The following MKNK1 variants were observed in gnomAD, a reference collection of about 807,000 sequenced individuals.
MKNK1 encodes MAP kinase-interacting serine/threonine-protein kinase 1.
A neutral mutation model predicts 49.3 loss-of-function variants in MKNK1; 30 were observed. The observed-to-expected ratio is 0.61, with a 90% CI of 0.46 to 0.83. The LOEUF is 0.83. Ranked by LOEUF, MKNK1 falls within the 40% of genes least tolerant of loss-of-function variation. The pLI, the probability that MKNK1 is intolerant of heterozygous loss-of-function variation, is 0.00. For synonymous variants in MKNK1, 176 were observed against 201.7 expected (o/e 0.87, Z 1.08); for missense variants, 423 against 524.7 (o/e 0.81, Z 1.89).
At chr1:46,572,387 AC>A in intron 6 of MKNK1, 137 of 357,570 alleles carry the variant, frequency 3.8e-4, no homozygotes, top group East Asian at 2.1e-3. Flanking sequence ...TAATTTTTGT[AC>A]TTTTTTTTTT....
chr1:46,560,161 C>T, intron 12 of MKNK1, 73 bp downstream of exon 12: 1 of 1,551,080 alleles, frequency 6.4e-7, no homozygotes, highest in South Asian at 1.1e-5. Context: ...GAGATGGGCT[C>T]CCCCGGCCCC....
At chr1:46,601,802 A>G (rs142143938) in intron 1 of MKNK1, among the ~76,000 whole-genome samples, 90 of 152,346 alleles carry the variant, frequency 5.9e-4, no homozygotes, top group African/African-American at 2.1e-3. Flanking sequence ...GAAGAGGCCT[A>G]CTATGTGCTG....
chr1:46,567,615 G>A (rs1279162844), intron 8 of MKNK1, among the ~76,000 whole-genome samples: 1 of 152,188 alleles, frequency 6.6e-6, no homozygotes, highest in African/African-American at 2.4e-5. Context: ...GTGAGTAGCA[G>A]ACTGACTCAT....
intron 2 of MKNK1, among the ~76,000 whole-genome samples, chr1:46,591,108 G>T (rs777588418): frequency 6.6e-6 from 1 of 152,182 alleles, no homozygotes; most frequent in Non-Finnish European, 1.5e-5. Context: ...TCATGATTAT[G>T]CTGGGACAAG....
At chr1:46,562,951 C>A in intron 9 of MKNK1, 108 bp from the exon 10 acceptor site, 1 of 970,538 alleles carries the variant, frequency 1.0e-6, no homozygotes, top group Non-Finnish European at 1.5e-6. Flanking sequence ...GAGCAGGAGG[C>A]TGGAAGGATG....
chr1:46,594,106 A>G lies in MKNK1; in HGVS notation c.-3+7T>C. 6 of 1,597,008 alleles carry G rather than the reference A, an allele frequency of 3.8e-6. No homozygotes were observed. Among genetic ancestry groups the G allele is most frequent in the Non-Finnish European group, 4.3e-6 (5 of 1,164,772 alleles). On this transcript the variant is annotated splice_region_variant and intron_variant, in intron 2 of 12. Transcript: ENST00000371945. Reference sequence around the variant, plus strand: ...AAAGGATAACTAAAATGTACACCCAATCTTACCTATAGGTTTTTCCAACTT... The same window carrying G: ...AAAGGATAACTAAAATGTACACCCAGTCTTACCTATAGGTTTTTCCAACTT...
At chr1:46,586,144 G>C (rs529215132) in intron 2 of MKNK1, 13 of 356,888 alleles carry the variant, frequency 3.6e-5, no homozygotes, top group South Asian at 2.5e-4. Context: ...TAGCAGGTCT[G>C]TGGGGCCTTA....
intron 12 of MKNK1, among the ~76,000 whole-genome samples, chr1:46,559,214 G>A (rs1480506088): frequency 6.6e-6 from 1 of 152,258 alleles, no homozygotes; most frequent in Non-Finnish European, 1.5e-5. Context: ...CTAGCTCAGG[G>A]CTAGCGTGGA....
At position 46,564,499 on chromosome 1, in the gene MKNK1, G is replaced by A. The variant is rs3766242; in HGVS notation, c.609+542C>T. On this transcript the variant is annotated intron_variant, in intron 9 of 12. Coordinates refer to ENST00000371945, the MANE Select transcript of MKNK1 (RefSeq NM_001135553.4). ...TTTTTTTTTTTTTTTTTTTTGAGACGGAGTTTTGCTCTTGTTGCCCAGGCT... is the reference window on the plus strand; with the variant it reads ...TTTTTTTTTTTTTTTTTTTTGAGACAGAGTTTTGCTCTTGTTGCCCAGGCT... 9.7e-3 allele frequency among the ~76,000 whole-genome samples: 663 copies of A among 68,462 alleles called. 10 individuals are homozygous for A. The highest frequency in any genetic ancestry group is 0.065 in the Admixed American group (389 of 5,958). 44.9% of individuals were successfully genotyped at this position (68,462 alleles called of 152,430 possible).
At chr1:46,561,799 G>T (rs773333412) in intron 10 of MKNK1, 157 bp from the exon 11 acceptor site, 2 of 732,854 alleles carry the variant, frequency 2.7e-6, no homozygotes, top group Non-Finnish European at 4.4e-6. Flanking sequence ...GACTCACCCC[G>T]CACTGTCCCC....
At position 46,558,114 on chromosome 1, in the gene MKNK1, C is replaced by T. The variant is rs141162602; in HGVS notation, c.*461G>A. ...GGAGAAGACGGGCAAAGAGGACATC[C>T]GGAGGACAGAGGAAGGTGGAAGGAC... On this transcript the variant is annotated 3_prime_UTR_variant, in exon 13 of 13. Transcript: ENST00000371945. 21 of 158,996 alleles carry T rather than the reference C, an allele frequency of 1.3e-4. No homozygotes were observed. The highest frequency in any genetic ancestry group is 5.8e-4 in the South Asian group (3 of 5,212). The allele number at this position is 158,996 out of a possible 1,614,324, so 9.8% of individuals were successfully genotyped here.
At position 46,585,839 on chromosome 1, in the gene MKNK1, T is replaced by C. The variant is rs770312493; in HGVS notation, c.-2-2510A>G. ...GCACCACCGCACACGTAACATTAGA[T>C]TTTATGGCTTCACACACACACAAAG... On this transcript the variant is annotated intron_variant, in intron 2 of 12. Coordinates refer to ENST00000371945, the MANE Select transcript of MKNK1 (RefSeq NM_001135553.4). The C allele has an allele frequency of 8.7e-6, 10 of 1,149,598 alleles. 1 individual carries two copies. In the South Asian group the frequency reaches 1.2e-4, roughly 14 times the overall value. 71.2% of individuals were successfully genotyped at this position (1,149,598 alleles called of 1,614,324 possible).
At chr1:46,564,771 G>A (rs1488949749) in intron 9 of MKNK1, among the ~76,000 whole-genome samples, 1 of 152,034 alleles carries the variant, frequency 6.6e-6, no homozygotes, top group Non-Finnish European at 1.5e-5. Flanking sequence ...CATTGCAAAC[G>A]GCCAGCCTGT....
chr1:46,587,471 A>G (rs1672738717), intron 2 of MKNK1, among the ~76,000 whole-genome samples: 2 of 152,174 alleles, frequency 1.3e-5, no homozygotes, highest in South Asian at 4.1e-4. Context: ...TTCCTCATCT[A>G]TCAAATAGGT....
In MKNK1 at chr1:46,589,512, G is replaced by A. The variant is rs1202995061; in HGVS notation, c.-3+4601C>T. Among the ~76,000 whole-genome samples, 1 of 152,194 alleles carries A rather than the reference G, an allele frequency of 6.6e-6. No individual in the cohort carries two copies. Among genetic ancestry groups the A allele is most frequent in the Non-Finnish European group, 1.5e-5 (1 of 68,038 alleles). ...TGATAATAAATGTCTCCATTCCTAG[G>A]CATACGTTTATCTTGTTTTCTCCAT... On this transcript the variant is annotated intron_variant, in intron 2 of 12. Transcript: ENST00000371945. The surrounding 1 kb of genome is among the most constrained non-coding windows in gnomAD (Gnocchi z 4.3).
Position 46,565,032 on chromosome 1 carries a change from C to G in MKNK1, c.609+9G>C. 6.2e-7 allele frequency: 1 copy of G among 1,611,700 alleles called. No individual in the cohort carries two copies. Among genetic ancestry groups the G allele is most frequent in the Non-Finnish European group, 8.5e-7 (1 of 1,177,814 alleles). On this transcript the variant is annotated intron_variant, in intron 9 of 12. Coordinates refer to ENST00000371945, the MANE Select transcript of MKNK1 (RefSeq NM_001135553.4). ...CAAATACTTAGGAGCCCAGAGGAAG[C>G]ATACGTACTGGGGTGGTCAGCTCTG...
At chr1:46,598,544 A>G (rs1201930183) in intron 1 of MKNK1, among the ~76,000 whole-genome samples, 1 of 152,228 alleles carries the variant, frequency 6.6e-6, no homozygotes, top group Non-Finnish European at 1.5e-5. Flanking sequence ...GCATTCATAT[A>G]TTTATTAATA....
chr1:46,578,899 G>A (rs1671360214), intron 4 of MKNK1, among the ~76,000 whole-genome samples: 1 of 152,050 alleles, frequency 6.6e-6, no homozygotes, highest in Admixed American at 6.5e-5. Context: ...GGGATTACAG[G>A]AATGCACCAC....
intron 5 of MKNK1, 88 bp from the exon 6 acceptor site, chr1:46,575,108 T>C: frequency 1.2e-6 from 1 of 844,636 alleles, no homozygotes; most frequent in Non-Finnish European, 1.9e-6. Flanking sequence ...ATGAAAAAAA[T>C]ATACAACACC....
Sources: allele counts gnomAD v4.1 joint callset (sites outside exome capture counted in the v4.1 genomes callset), GRCh38; gene constraint gnomAD v4.1.1; non-coding constraint Gnocchi (gnomAD v3.1); transcripts MANE v1.5; gene names NCBI Gene and HGNC (gene_info 2026-07-23, HGNC 2026-07-21).